Variants in UGT2B11 observed in about 807,000 individuals in gnomAD.
UGT2B11 encodes UDP-glucuronosyltransferase 2B11.
Under a neutral mutation model 51.7 loss-of-function variants are expected in UGT2B11, and 49 were observed. That is an observed-to-expected ratio of 0.95 (90% CI 0.75 to 1.20). UGT2B11 has a LOEUF of 1.20. Ranked by LOEUF, UGT2B11 falls within the 50% of genes most tolerant of loss-of-function variation. UGT2B11 has a pLI of 0.00. For missense variants in UGT2B11, 810 were observed against 622.1 expected (o/e 1.30, Z -3.21); for synonymous variants, 273 against 209.0 (o/e 1.31, Z -2.64).
chr4:69,208,257 G>T, intron 3 of UGT2B11, 94 bp downstream of exon 3: 2 of 1,577,070 alleles, frequency 1.3e-6, no homozygotes, highest in Non-Finnish European at 1.7e-6. Context: ...GATGTAAAGA[G>T]TTCACTCTAC....
In UGT2B11 at chr4:69,214,711, T is replaced by C; in HGVS notation, c.12A>G (p.Lys4=). 2 of 1,612,306 alleles carry C rather than the reference T, an allele frequency of 1.2e-6. No homozygotes were observed. The highest frequency in any genetic ancestry group is 1.1e-5 in the South Asian group (1 of 91,000). The part of the protein sequence containing the change: MTL[K]WTSVLLLIHL... ...GTATCAGCAGAAGAACTGAAGTCCA[T>C]TTCAGAGTCATCCTGGTGCAATGCG... The change falls in exon 1 of 6, where the codon AAA becomes AAG. Residue 4 remains lysine (K), a synonymous_variant. Coordinates refer to ENST00000446444, the MANE Select transcript of UGT2B11 (RefSeq NM_001073.3).
Position 69,200,336 on chromosome 4 carries a change from TCACAGG to T in UGT2B11, c.*98_*103del. On this transcript the variant is annotated 3_prime_UTR_variant, in exon 6 of 6. Transcript: ENST00000446444. ...AATTTTTTTTTTTTTTTTTTTTTTG[TCACAGG>T]AAGAAAGAAATCTTGCATAACAATC... is the stretch of plus-strand genomic sequence containing the variant. 1 of 1,089,440 alleles carries T rather than the reference TCACAGG, an allele frequency of 9.2e-7. No individual in the cohort carries two copies. Among genetic ancestry groups the T allele is most frequent in the South Asian group, 3.5e-5 (1 of 28,180 alleles). 67.5% of individuals were successfully genotyped at this position (1,089,440 alleles called of 1,614,324 possible). A position where few individuals can be genotyped will look rare whatever the true frequency, so the allele number is the denominator to read the frequency against.
At chr4:69,206,443 G>C (rs563248770) in intron 3 of UGT2B11, among the ~76,000 whole-genome samples, 1 of 151,706 alleles carries the variant, frequency 6.6e-6, no homozygotes, top group South Asian at 2.1e-4. Context: ...TGGACACATA[G>C]ATGGCAACAA....
chr4:69,210,282 G>A (rs532031938), intron 2 of UGT2B11, among the ~76,000 whole-genome samples: 1 of 151,386 alleles, frequency 6.6e-6, no homozygotes, highest in Non-Finnish European at 1.5e-5. Flanking sequence ...TTTCCATAAG[G>A]TTTAATAGGT....
chr4:69,217,983 G>A (rs11930135), upstream of UGT2B11, among the ~76,000 whole-genome samples: 24,346 of 151,942 alleles, frequency 0.16, 2,413 homozygotes, highest in African/African-American at 0.27. Flanking sequence ...CTCTGCCTTC[G>A]TGACCTAAAC....
the UGT2B11 span, among the ~76,000 whole-genome samples, chr4:69,221,652 G>A: frequency 1.3e-5 from 2 of 152,242 alleles, no homozygotes; most frequent in Non-Finnish European, 2.9e-5. Flanking sequence ...CAGCTGAGGA[G>A]ACGAGAGAAA....
upstream of UGT2B11, chr4:69,215,876 G>A (rs1309925773): frequency 6.6e-6 from 1 of 151,978 alleles, no homozygotes; most frequent in Non-Finnish European, 1.5e-5. Flanking sequence ...ACATATTGGA[G>A]GGAAAAGTGA....
At chr4:69,211,061 G>C (rs1275267777) in intron 2 of UGT2B11, 3 of 151,586 alleles carry the variant, frequency 2.0e-5, no homozygotes, top group South Asian at 4.1e-4. Context: ...GTGCTTCTCT[G>C]TCAGGCACCT....
At chr4:69,221,136 A>G in the UGT2B11 span, among the ~76,000 whole-genome samples, 1 of 152,292 alleles carries the variant, frequency 6.6e-6, no homozygotes, top group South Asian at 2.1e-4. Flanking sequence ...AAAGGAGAGA[A>G]AGCACAGTTC....
At chr4:69,209,626 TC>T in intron 2 of UGT2B11, among the ~76,000 whole-genome samples, 1 of 151,876 alleles carries the variant, frequency 6.6e-6, no homozygotes, top group South Asian at 2.1e-4. Context: ...CAGAGTGTTT[TC>T]TTAAAATATG....
At chr4:69,200,826 CAAAG>C in intron 5 of UGT2B11, 107 bp from the exon 6 acceptor site, 2 of 1,266,518 alleles carry the variant, frequency 1.6e-6, no homozygotes, top group Non-Finnish European at 2.1e-6. Context: ...AAATAAATGT[CAAAG>C]AATTGACAGA....
chr4:69,200,792 G>T, intron 5 of UGT2B11, 73 bp from the exon 6 acceptor site: 1 of 1,404,548 alleles, frequency 7.1e-7, no homozygotes, highest in Non-Finnish European at 9.5e-7. Context: ...TCTATGAAAG[G>T]CTTTTAAAGC....
intron 4 of UGT2B11, among the ~76,000 whole-genome samples, chr4:69,204,946 A>C (rs1305401550): frequency 1.3e-5 from 2 of 151,704 alleles, no homozygotes; most frequent in African/African-American, 4.8e-5. Context: ...GGCATGAAAT[A>C]AAGTTTTATT....
At chr4:69,210,790 T>C (rs1030561474) in intron 2 of UGT2B11, among the ~76,000 whole-genome samples, 3 of 151,570 alleles carry the variant, frequency 2.0e-5, no homozygotes, top group African/African-American at 7.3e-5. Context: ...GTTTTAACAA[T>C]GGAATAAAAT....
chr4:69,208,536 C>T, intron 2 of UGT2B11, 54 bp from the exon 3 acceptor site: 1 of 1,582,840 alleles, frequency 6.3e-7, no homozygotes, highest in Non-Finnish European at 8.5e-7. Flanking sequence ...GCAGGCACTA[C>T]TGAAAGAATT....
chr4:69,217,467 T>C (rs1485687514), upstream of UGT2B11, among the ~76,000 whole-genome samples: 1 of 152,112 alleles, frequency 6.6e-6, no homozygotes, highest in Non-Finnish European at 1.5e-5. Flanking sequence ...GCATTATGTG[T>C]CACCCAGATT....
chr4:69,212,405 C>G (rs546344473), intron 2 of UGT2B11, among the ~76,000 whole-genome samples, 168 bp downstream of exon 2: 1 of 151,616 alleles, frequency 6.6e-6, no homozygotes. Context: ...AACTCACATA[C>G]GTGTGACGGT....
At chr4:69,216,097 C>T (rs961208049), upstream of UGT2B11, 1 of 151,848 alleles carries the variant, frequency 6.6e-6, no homozygotes, top group Non-Finnish European at 1.5e-5. Flanking sequence ...GTACATACTG[C>T]CAGTTGTAAA....
intron 2 of UGT2B11, among the ~76,000 whole-genome samples, chr4:69,209,459 C>A (rs13103028): frequency 3.3e-5 from 5 of 151,562 alleles, no homozygotes; most frequent in Admixed American, 6.6e-5. Flanking sequence ...GCTTGGCTGC[C>A]ATTGATTGAG....
Sources: gnomAD v4.1 joint callset for allele counts (sites outside exome capture counted in the v4.1 genomes callset) on GRCh38, gnomAD v4.1.1 for gene constraint, MANE v1.5 for transcripts, NCBI Gene and HGNC (gene_info 2026-07-23, HGNC 2026-07-21) for gene names.